PAK2: variants seen among roughly 807,000 people sequenced by gnomAD.
PAK2 encodes the protein serine/threonine-protein kinase PAK 2.
A neutral mutation model predicts 65.9 loss-of-function variants in PAK2; 21 were observed. The ratio of observed to expected loss-of-function variants is 0.32; its 90% CI spans 0.23 to 0.46. The LOEUF (loss-of-function observed/expected upper bound fraction) is 0.46. Ranked by LOEUF, PAK2 falls within the 20% of genes least tolerant of loss-of-function variation. The pLI, the probability that PAK2 is intolerant of heterozygous loss-of-function variation, is 1.00. For missense variants in PAK2, 324 were observed against 642.6 expected (o/e 0.50, Z 5.36); for synonymous variants, 204 against 219.7 (o/e 0.93, Z 0.63).
At chr3:196,770,334 T>C (rs1316614009) in intron 1 of PAK2, among the ~76,000 whole-genome samples, 1 of 151,976 alleles carries the variant, frequency 6.6e-6, no homozygotes, top group African/African-American at 2.4e-5. Context: ...TCAGAGTTCA[T>C]TTTTATTAAT....
At chr3:196,814,647 GGTAATT>G (rs1257253512) in intron 11 of PAK2, 79 bp downstream of exon 11, 7 of 722,332 alleles carry the variant, frequency 9.7e-6, no homozygotes, top group Middle Eastern at 2.3e-4. Context: ...TTTCTGCACA[GGTAATT>G]GTTATTGTGG....
intron 13 of PAK2, among the ~76,000 whole-genome samples, chr3:196,823,953 G>A (rs556470603): frequency 1.6e-4 from 25 of 152,162 alleles, no homozygotes; most frequent in Non-Finnish European, 3.2e-4. Flanking sequence ...TGAATCTACC[G>A]AGATTGACCT....
chr3:196,776,599 G>A (rs932469763), intron 1 of PAK2, among the ~76,000 whole-genome samples: 1 of 152,106 alleles, frequency 6.6e-6, no homozygotes, highest in African/African-American at 2.4e-5. Context: ...GTTTCTCAGC[G>A]CTTGACTTAC....
At chr3:196,795,864 T>G (rs771029285) in intron 2 of PAK2, among the ~76,000 whole-genome samples, 3 of 152,242 alleles carry the variant, frequency 2.0e-5, no homozygotes, top group Non-Finnish European at 4.4e-5. Context: ...GGCACCTCCG[T>G]GGTTCTGGAC....
chr3:196,782,480 A>G, intron 1 of PAK2, 146 bp from the exon 2 acceptor site: 1 of 546,326 alleles, frequency 1.8e-6, no homozygotes, highest in Non-Finnish European at 3.3e-6. Flanking sequence ...CATCTTTTAC[A>G]CATTGATTTT....
At chr3:196,775,779 C>T (rs1338710596) in intron 1 of PAK2, among the ~76,000 whole-genome samples, 1 of 152,180 alleles carries the variant, frequency 6.6e-6, no homozygotes, top group East Asian at 1.9e-4. Flanking sequence ...CTCTCTGGCT[C>T]AGCCGTGAAA....
chr3:196,783,888 T>C (rs1388680529), intron 2 of PAK2, among the ~76,000 whole-genome samples: 3 of 152,234 alleles, frequency 2.0e-5, no homozygotes, highest in African/African-American at 7.2e-5. Context: ...TGTTGATGTA[T>C]GTGGTGTAGT....
Position 196,757,025 on chromosome 3 carries a change from C to T in PAK2, c.-22+16868C>T, listed in dbSNP as rs187012791. Among the ~76,000 whole-genome samples the T allele has an allele frequency of 3.8e-4, 58 of 152,254 alleles. 2 individuals are homozygous for T. In the South Asian group the frequency reaches 4.6e-3, roughly 12 times the overall value. On this transcript the variant is annotated intron_variant, in intron 1 of 14. Coordinates refer to ENST00000327134, the MANE Select transcript of PAK2 (RefSeq NM_002577.4). ...GGTTCTTATTCCTGACACAGGTAGC[C>T]CCTATTGTTGTGTCATTCCCCTGTT...
At position 196,775,628 on chromosome 3, in the gene PAK2, G is replaced by A. The variant is rs148749684; in HGVS notation, c.-21-6998G>A. Among the ~76,000 whole-genome samples the A allele has an allele frequency of 5.0e-3, 755 of 152,114 alleles. 1 individual carries two copies. Among genetic ancestry groups the A allele is most frequent in the African/African-American group, 0.017 (716 of 41,500 alleles). On this transcript the variant is annotated intron_variant, in intron 1 of 14. Transcript: ENST00000327134. The stretch of plus-strand genomic sequence containing the variant: ...GATCTCTTGACCTTGTGATCTGCCC[G>A]CCTCAGCTTCCCAAAGTGCTGAGAT...
chr3:196,825,832 G>A (rs1291093844), intron 13 of PAK2, among the ~76,000 whole-genome samples: 2 of 151,920 alleles, frequency 1.3e-5, no homozygotes, highest in African/African-American at 4.8e-5. Context: ...GATGACCTGG[G>A]ATAATTTGTT....
At chr3:196,769,490 C>A (rs1238343944) in intron 1 of PAK2, among the ~76,000 whole-genome samples, 1 of 151,764 alleles carries the variant, frequency 6.6e-6, no homozygotes, top group Non-Finnish European at 1.5e-5. Context: ...CATCCTTTTC[C>A]AGAGCATTTT....
At chr3:196,763,268 A>G (rs1038225530) in intron 1 of PAK2, among the ~76,000 whole-genome samples, 2 of 152,066 alleles carry the variant, frequency 1.3e-5, no homozygotes, top group Non-Finnish European at 2.9e-5. Flanking sequence ...GCTCAAAAAG[A>G]GTATGTGGGG....
rs143898164 is a variant in PAK2 at position 196,763,532 on chromosome 3, G to A, written c.-21-19094G>A. Among the ~76,000 whole-genome samples the A allele has an allele frequency of 1.2e-4, 18 of 152,256 alleles. No homozygotes were observed. In the East Asian group the frequency reaches 2.9e-3, roughly 24 times the overall value. On this transcript the variant is annotated intron_variant, in intron 1 of 14. Transcript: ENST00000327134. ...GAAATGATGAATTTGGAATGGAGAG[G>A]CACTAGATCAGTAACTGGCAGGAGA...
intron 1 of PAK2, among the ~76,000 whole-genome samples, chr3:196,751,009 C>G (rs1025970699): frequency 8.5e-5 from 13 of 152,116 alleles, no homozygotes; most frequent in African/African-American, 3.1e-4. Context: ...CCAACTGAAA[C>G]TCGGTACTCA....
chr3:196,778,724 C>T (rs552356837), intron 1 of PAK2, among the ~76,000 whole-genome samples: 4 of 152,256 alleles, frequency 2.6e-5, no homozygotes, highest in Non-Finnish European at 4.4e-5. Flanking sequence ...TGTCACGTTG[C>T]GTTTATGGTT....
intron 7 of PAK2, among the ~76,000 whole-genome samples, chr3:196,809,013 G>T (rs957550084): frequency 6.6e-6 from 1 of 151,550 alleles, no homozygotes. Flanking sequence ...AAGATAGGAG[G>T]ATAGCTGGAG....
intron 2 of PAK2, among the ~76,000 whole-genome samples, chr3:196,789,484 T>C (rs1363801416): frequency 6.6e-6 from 1 of 152,088 alleles, no homozygotes; most frequent in Non-Finnish European, 1.5e-5. Context: ...TCTTTTTTCT[T>C]TTTTGTTTCA....
chr3:196,760,425 A>G (rs1434932656), intron 1 of PAK2, among the ~76,000 whole-genome samples: 2 of 151,842 alleles, frequency 1.3e-5, no homozygotes, highest in East Asian at 3.9e-4. Context: ...TAATTTCTGT[A>G]TTTTTAGTAG....
Position 196,806,483 on chromosome 3 carries a change from A to G in PAK2, c.469-96A>G, listed in dbSNP as rs868596561. 28 of 741,052 alleles carry G rather than the reference A, an allele frequency of 3.8e-5. 1 individual carries two copies. The Middle Eastern group carries it at 3.4e-3, about 89-fold the overall frequency. 45.9% of individuals were successfully genotyped at this position (741,052 alleles called of 1,614,324 possible). A position where few individuals can be genotyped will look rare whatever the true frequency, so the allele number is the denominator to read the frequency against. On this transcript the variant is annotated intron_variant, in intron 5 of 14. Transcript: ENST00000327134. ...TTTAGTGGTTTTGAAATGAGCTATCAAAGAAGCAAACTTTTTGAAGTACGT... is the reference window on the plus strand; with the variant it reads ...TTTAGTGGTTTTGAAATGAGCTATCGAAGAAGCAAACTTTTTGAAGTACGT...
Sources: gnomAD v4.1 joint callset for allele counts (sites outside exome capture counted in the v4.1 genomes callset) on GRCh38, gnomAD v4.1.1 for gene constraint, MANE v1.5 for transcripts, NCBI Gene and HGNC (gene_info 2026-07-23, HGNC 2026-07-21) for gene names.